Variants in DNAH17 observed in about 807,000 individuals in gnomAD.
DNAH17 encodes the protein axonemal beta dynein heavy chain 17.
A neutral mutation model predicts 485.6 loss-of-function variants in DNAH17; 376 were observed. The ratio of observed to expected loss-of-function variants is 0.77; its 90% confidence interval spans 0.71 to 0.84. The LOEUF (loss-of-function observed/expected upper bound fraction) is 0.84, where lower values mean the gene tolerates loss of function less well. Ranked by LOEUF, DNAH17 falls within the 40% of genes least tolerant of loss-of-function variation. DNAH17 has a pLI of 0.00. For synonymous variants in DNAH17, 3,031 were observed against 2,405.9 expected (o/e 1.26, Z -7.60); for missense variants, 6,370 against 5,839.3 (o/e 1.09, Z -2.96).
At chr17:78,549,681 A>G (rs933763286) in intron 16 of DNAH17, among the ~76,000 whole-genome samples, 4 of 152,044 alleles carry the variant, frequency 2.6e-5, no homozygotes, top group Admixed American at 1.3e-4. Flanking sequence ...AGAGACAGAG[A>G]GAAAGTGCTG....
chr17:78,523,718 C>A (rs2090992385), intron 25 of DNAH17, among the ~76,000 whole-genome samples: 1 of 152,148 alleles, frequency 6.6e-6, no homozygotes, highest in African/African-American at 2.4e-5. Context: ...CCAGCCTGGG[C>A]AACACAGCAA....
chr17:78,515,885 CT>C (rs995221916), intron 25 of DNAH17, among the ~76,000 whole-genome samples: 1 of 152,170 alleles, frequency 6.6e-6, no homozygotes, highest in Admixed American at 6.5e-5. Context: ...CTTCCACTGA[CT>C]GGTAAAAAGA....
rs141374842 is a variant in DNAH17, at chr17:78,567,029, G to T, written c.1422C>A (p.Cys474Ter). 103 of 1,613,532 alleles carry T rather than the reference G, an allele frequency of 6.4e-5. No individual in the cohort carries two copies. The highest frequency in any genetic ancestry group is 8.2e-5 in the Non-Finnish European group (97 of 1,179,802). The change falls in exon 10 of 81, where the codon TGC (cysteine) becomes TGA (stop). Residue 474 changes from cysteine (C) to a stop codon, truncating the protein, a stop_gained. Coordinates refer to ENST00000389840, the MANE Select transcript of DNAH17 (RefSeq NM_173628.4). LOFTEE classifies it high-confidence loss of function. ...CTCCAGGGTCCAAGGGATCATATTTGCAGTCGGCAAAAACCTTCACCAGCT... is the reference window on the plus strand; with the variant it reads ...CTCCAGGGTCCAAGGGATCATATTTTCAGTCGGCAAAAACCTTCACCAGCT... ...VFELVKVFAD[C>*]KYDPLDPGDS...
chr17:78,461,121 G>A (rs1454628583), intron 58 of DNAH17, among the ~76,000 whole-genome samples: 2 of 139,070 alleles, frequency 1.4e-5, no homozygotes, highest in African/African-American at 3.1e-5. Flanking sequence ...CTACCCTCTC[G>A]GGGGGGGCCC....
intron 16 of DNAH17, among the ~76,000 whole-genome samples, chr17:78,547,186 C>G (rs542654108): frequency 9.7e-4 from 148 of 152,288 alleles, no homozygotes; most frequent in African/African-American, 3.5e-3. Context: ...TGTTAATGCT[C>G]TCCTTGGTAC....
chr17:78,494,230 G>T, intron 40 of DNAH17, 57 bp from the exon 41 acceptor site: 5 of 1,568,706 alleles, frequency 3.2e-6, no homozygotes, highest in South Asian at 1.1e-5. Flanking sequence ...CTTTCTTCTC[G>T]CTGGGAGGCT....
chr17:78,543,199 C>A (rs1488860650), intron 17 of DNAH17, among the ~76,000 whole-genome samples: 1 of 152,266 alleles, frequency 6.6e-6, no homozygotes, highest in Non-Finnish European at 1.5e-5. Flanking sequence ...ACTGCCACCT[C>A]CGCCTCCCAG....
At chr17:78,552,654 C>T (rs1485173315) in intron 15 of DNAH17, 43 bp downstream of exon 15, 5 of 1,467,366 alleles carry the variant, frequency 3.4e-6, no homozygotes, top group Non-Finnish European at 4.8e-6. Context: ...GCAGGTTGGA[C>T]TCCCAAGTTT....
At chr17:78,424,419 C>A in intron 80 of DNAH17, 1 of 427,002 alleles carries the variant, frequency 2.3e-6, no homozygotes, top group Non-Finnish European at 4.2e-6. Flanking sequence ...ATTTTCAGAG[C>A]CTCATCTGTC....
intron 75 of DNAH17, among the ~76,000 whole-genome samples, chr17:78,429,966 A>G: frequency 6.6e-6 from 1 of 152,170 alleles, no homozygotes; most frequent in African/African-American, 2.4e-5. Context: ...CCCGGGCCTT[A>G]GGGAACGAAG....
At chr17:78,522,515 C>T in intron 25 of DNAH17, 2 of 324,498 alleles carry the variant, frequency 6.2e-6, no homozygotes, top group Admixed American at 4.5e-5. Flanking sequence ...CGAGGAGGGA[C>T]AAGACCCTGA....
In DNAH17 at chr17:78,493,097, C is replaced by G. The variant is rs146363488; in HGVS notation, c.6409-332G>C. ...AACTCCTGATCTCAGGTGATCAGCC[C>G]GCCTTGGCCTCCCAAAGTGCTGGGA... On this transcript the variant is annotated intron_variant, in intron 41 of 80. Coordinates refer to ENST00000389840, the MANE Select transcript of DNAH17 (RefSeq NM_173628.4). The G allele has an allele frequency of 4.8e-3, 945 of 196,240 alleles. 7 individuals are homozygous for G. The highest frequency in any genetic ancestry group is 0.021 in the African/African-American group (876 of 42,208). 12.2% of individuals were successfully genotyped at this position (196,240 alleles called of 1,614,324 possible).
chr17:78,445,949 A>AT (rs144778234), intron 69 of DNAH17, among the ~76,000 whole-genome samples: 11,779 of 152,058 alleles, frequency 0.077, 509 homozygotes, highest in Middle Eastern at 0.16. Flanking sequence ...GAGGGGGTGG[A>AT]TCACTTGAGC....
intron 19 of DNAH17, among the ~76,000 whole-genome samples, chr17:78,534,872 G>A (rs1373861148): frequency 6.6e-6 from 1 of 152,124 alleles, no homozygotes; most frequent in Non-Finnish European, 1.5e-5. Flanking sequence ...CCTCTGGGTT[G>A]GCCACCCTGG....
intron 30 of DNAH17, 106 bp from the exon 31 acceptor site, chr17:78,505,551 T>C (rs535699014): frequency 2.2e-4 from 305 of 1,403,634 alleles, no homozygotes; most frequent in South Asian, 1.4e-3. Context: ...TTTTGGAATA[T>C]ACTCCCCATC....
In DNAH17 at chr17:78,490,404, G is replaced by A. The variant is rs559907141; in HGVS notation, c.6818+295C>T. Among the ~76,000 whole-genome samples the A allele has an allele frequency of 2.0e-5, 3 of 152,220 alleles. No individual in the cohort carries two copies. The South Asian group carries it at 6.2e-4, about 32-fold the overall frequency. ...ATGGCAGCCCAAACTTCAATCACCT[G>A]GGAAGACTTCCCACCTCCACAGAGG... On this transcript the variant is annotated intron_variant, in intron 44 of 80. Transcript: ENST00000389840.
intron 74 of DNAH17, among the ~76,000 whole-genome samples, chr17:78,435,828 A>G (rs2086835007): frequency 6.6e-6 from 1 of 152,194 alleles, no homozygotes; most frequent in Non-Finnish European, 1.5e-5. Flanking sequence ...TCATCACACT[A>G]GGGTGCTGCT....
chr17:78,555,292 C>T (rs2091994929), intron 14 of DNAH17, among the ~76,000 whole-genome samples: 1 of 152,074 alleles, frequency 6.6e-6, no homozygotes, highest in Non-Finnish European at 1.5e-5. Flanking sequence ...AGTCGAGGAA[C>T]CCTGCTCTGA....
intron 79 of DNAH17, among the ~76,000 whole-genome samples, chr17:78,425,939 T>A (rs2086436832): frequency 6.6e-6 from 1 of 152,046 alleles, no homozygotes; most frequent in Non-Finnish European, 1.5e-5. Flanking sequence ...CTTATTTTTG[T>A]ATTTTTAGAG....
Sources: allele counts gnomAD v4.1 joint callset (sites outside exome capture counted in the v4.1 genomes callset), GRCh38; gene constraint gnomAD v4.1.1; transcripts MANE v1.5; gene names NCBI Gene and HGNC (gene_info 2026-07-23, HGNC 2026-07-21).